Variants in CCDC102B observed in about 807,000 individuals in gnomAD.
The protein encoded by CCDC102B is coiled-coil domain-containing protein 102B.
In CCDC102B, 75 loss-of-function variants were observed where a neutral mutation model predicts 57.4. The ratio of observed to expected loss-of-function variants is 1.31; its 90% CI spans 1.08 to 1.58. CCDC102B has a LOEUF of 1.58. Ranked by LOEUF, CCDC102B falls within the 40% of genes most tolerant of loss-of-function variation. The pLI, the probability that CCDC102B is intolerant of heterozygous loss-of-function variation, is 0.00. For synonymous variants in CCDC102B, 206 were observed against 201.9 expected (o/e 1.02, Z -0.17); for missense variants, 636 against 582.6 (o/e 1.09, Z -0.94).
chr18:68,802,664 G>A (rs1439925290), intron 1 of CCDC102B, among the ~76,000 whole-genome samples: 2 of 152,184 alleles, frequency 1.3e-5, no homozygotes, highest in African/African-American at 2.4e-5. Context: ...TCCATTCATT[G>A]TCTATGGTTG....
intron 2 of CCDC102B, among the ~76,000 whole-genome samples, chr18:68,762,600 A>C (rs1168805093): frequency 6.6e-6 from 1 of 152,158 alleles, no homozygotes; most frequent in East Asian, 1.9e-4. Context: ...TATGCCTAAG[A>C]AAAGCCAGAA....
chr18:68,854,278 T>G (rs2144847040), intron 4 of CCDC102B, among the ~76,000 whole-genome samples: 1 of 152,148 alleles, frequency 6.6e-6, no homozygotes, highest in Non-Finnish European at 1.5e-5. Flanking sequence ...TTTTGTATTT[T>G]TAGTAGAGAA....
intron 2 of CCDC102B, among the ~76,000 whole-genome samples, chr18:68,780,539 C>G (rs1481076171): frequency 1.3e-5 from 2 of 150,734 alleles, no homozygotes; most frequent in Non-Finnish European, 3.0e-5. Flanking sequence ...ATTTTCATGT[C>G]ATGAAATATA....
chr18:69,019,936 G>A (rs534723594), intron 7 of CCDC102B, among the ~76,000 whole-genome samples: 9 of 152,118 alleles, frequency 5.9e-5, no homozygotes, highest in South Asian at 2.1e-4. Flanking sequence ...GTTGAACTTC[G>A]TCAAAGGCAT....
chr18:68,812,002 C>T (rs72947494), intron 1 of CCDC102B, among the ~76,000 whole-genome samples: 15,792 of 152,228 alleles, frequency 0.1, 1,014 homozygotes, highest in East Asian at 0.3. Context: ...TAAGATTCTC[C>T]TACCACTGCT....
At chr18:68,964,935 A>T (rs868714669) in intron 6 of CCDC102B, among the ~76,000 whole-genome samples, 1 of 151,808 alleles carries the variant, frequency 6.6e-6, no homozygotes, top group African/African-American at 2.4e-5. Context: ...CTGGTTTCTT[A>T]TAAGAAATCT....
At chr18:68,784,989 C>T (rs542530595) in intron 2 of CCDC102B, among the ~76,000 whole-genome samples, 2 of 123,230 alleles carry the variant, frequency 1.6e-5, no homozygotes, top group Non-Finnish European at 1.7e-5. Flanking sequence ...CCCCCCACCC[C>T]ACAACAGTCC....
At chr18:69,049,202 C>T (rs1034896443) in intron 7 of CCDC102B, among the ~76,000 whole-genome samples, 1 of 151,876 alleles carries the variant, frequency 6.6e-6, no homozygotes, top group Non-Finnish European at 1.5e-5. Context: ...TCCCCTACCC[C>T]CTGACAGGCC....
At chr18:68,856,578 T>C (rs939438143) in intron 4 of CCDC102B, among the ~76,000 whole-genome samples, 2 of 152,198 alleles carry the variant, frequency 1.3e-5, no homozygotes, top group Non-Finnish European at 2.9e-5. Flanking sequence ...GGATTAAGGG[T>C]GTGAGCCACT....
At chr18:68,974,805 G>A (rs1384029374) in intron 6 of CCDC102B, among the ~76,000 whole-genome samples, 1 of 151,712 alleles carries the variant, frequency 6.6e-6, no homozygotes, top group Non-Finnish European at 1.5e-5. Flanking sequence ...TTATGATCCA[G>A]GAACATAGAA....
chr18:68,723,622 C>T (rs962579980), intron 2 of CCDC102B, among the ~76,000 whole-genome samples: 2 of 152,202 alleles, frequency 1.3e-5, no homozygotes, highest in Admixed American at 1.3e-4. Context: ...CTTAAAGTTC[C>T]AAAATGATCT....
At chr18:68,765,318 AAGG>A (rs58405479) in intron 2 of CCDC102B, among the ~76,000 whole-genome samples, 2 of 60,022 alleles carry the variant, frequency 3.3e-5, no homozygotes, top group Non-Finnish European at 6.5e-5. Flanking sequence ...GGAAGGAAGG[AAGG>A]AAGGAAAGAA....
At chr18:68,948,468 T>C (rs886427208) in intron 6 of CCDC102B, among the ~76,000 whole-genome samples, 42 of 150,306 alleles carry the variant, frequency 2.8e-4, no homozygotes, top group Middle Eastern at 3.4e-3. Context: ...TGACCTTTTT[T>C]ACAATAAGCC....
chr18:69,046,011 C>A (rs2052557131), intron 7 of CCDC102B, among the ~76,000 whole-genome samples: 2 of 152,044 alleles, frequency 1.3e-5, no homozygotes, highest in African/African-American at 4.8e-5. Flanking sequence ...TGTTGATGGG[C>A]ATATAAGTTG....
At chr18:68,980,396 A>G (rs780145131) in intron 6 of CCDC102B, among the ~76,000 whole-genome samples, 2 of 116,108 alleles carry the variant, frequency 1.7e-5, no homozygotes, top group African/African-American at 4.6e-5. Context: ...GGTCTTGGTG[A>G]AAAAAAAAAA....
upstream of CCDC102B, among the ~76,000 whole-genome samples, chr18:68,793,556 C>T (rs2035532818): frequency 6.6e-6 from 1 of 151,786 alleles, no homozygotes; most frequent in Non-Finnish European, 1.5e-5. Context: ...GATTCTGAGA[C>T]ATTATTTTTA....
intron 5 of CCDC102B, among the ~76,000 whole-genome samples, chr18:68,883,023 G>A (rs1791528025): frequency 6.6e-6 from 1 of 152,116 alleles, no homozygotes; most frequent in African/African-American, 2.4e-5. Flanking sequence ...CAACTAATGG[G>A]TATTAGGCTT....
intron 6 of CCDC102B, among the ~76,000 whole-genome samples, chr18:68,943,842 A>C (rs928480303): frequency 2.6e-5 from 4 of 152,166 alleles, no homozygotes; most frequent in African/African-American, 9.6e-5. Flanking sequence ...GGGGAACTCA[A>C]ATGCAATAAT....
intron 2 of CCDC102B, chr18:68,721,463 T>C (rs1599368338): frequency 1.3e-5 from 2 of 152,284 alleles, no homozygotes; most frequent in Middle Eastern, 6.8e-3. Context: ...ATCAGTGGAA[T>C]AATACAGGAT....
Sources: allele counts gnomAD v4.1 joint callset (sites outside exome capture counted in the v4.1 genomes callset), GRCh38; gene constraint gnomAD v4.1.1; transcripts MANE v1.5; gene names NCBI Gene and HGNC (gene_info 2026-07-23, HGNC 2026-07-21).